Variants in RBMS3 observed in about 807,000 individuals in gnomAD.
The protein encoded by RBMS3 is RNA-binding motif, single-stranded-interacting protein 3.
Under a neutral mutation model 66.8 loss-of-function variants are expected in RBMS3, and 27 were observed. The ratio of observed to expected loss-of-function variants is 0.40; its 90% CI spans 0.30 to 0.56. The LOEUF is 0.56. Among genes scored for constraint, RBMS3 ranks in the 20% least tolerant of loss-of-function variants. The pLI is 0.40. For missense variants in RBMS3, 513 were observed against 549.5 expected, an observed-to-expected ratio of 0.93 and a Z score of 0.66; for synonymous variants, 188 against 183.0, an observed-to-expected ratio of 1.03 and a Z score of -0.22.
intron 3 of RBMS3, among the ~76,000 whole-genome samples, chr3:29,518,926 G>C (rs1289543497): frequency 6.6e-6 from 1 of 152,144 alleles, no homozygotes; most frequent in Non-Finnish European, 1.5e-5. Context: ...GAAGAGAAAT[G>C]GGAAGCAAGT....
At chr3:29,787,121 C>T (rs961651379) in intron 6 of RBMS3, among the ~76,000 whole-genome samples, 1 of 151,860 alleles carries the variant, frequency 6.6e-6, no homozygotes, top group Non-Finnish European at 1.5e-5. Flanking sequence ...AAACTGAAAC[C>T]ACAACATGAT....
intron 4 of RBMS3, among the ~76,000 whole-genome samples, chr3:29,633,761 C>A (rs893597933): frequency 7.9e-5 from 12 of 151,816 alleles, no homozygotes; most frequent in African/African-American, 2.9e-4. Flanking sequence ...TTGTTGTAAT[C>A]AGATCAAAGA....
intron 4 of RBMS3, among the ~76,000 whole-genome samples, chr3:29,733,523 C>T (rs886367381): frequency 9.9e-5 from 15 of 151,958 alleles, no homozygotes; most frequent in Non-Finnish European, 2.1e-4. Context: ...TCCTCACCAG[C>T]ATTGGTTATT....
At chr3:29,856,307 G>A (rs916939423) in intron 6 of RBMS3, among the ~76,000 whole-genome samples, 4 of 152,082 alleles carry the variant, frequency 2.6e-5, no homozygotes, top group South Asian at 2.1e-4. Flanking sequence ...TGGGAAAAGC[G>A]GTCAGGAAAT....
intron 4 of RBMS3, among the ~76,000 whole-genome samples, chr3:29,594,644 ATACT>A (rs564249722): frequency 9.5e-4 from 145 of 152,314 alleles, no homozygotes; most frequent in African/African-American, 3.4e-3. Context: ...TGTAAAAGAA[ATACT>A]TACTGGCTGG....
chr3:29,472,353 G>A (rs552343968), intron 2 of RBMS3, among the ~76,000 whole-genome samples: 54 of 151,984 alleles, frequency 3.6e-4, no homozygotes, highest in South Asian at 8.3e-4. Context: ...CCGCCATCAC[G>A]CCCAGCTAAT....
intron 3 of RBMS3, among the ~76,000 whole-genome samples, chr3:29,538,709 C>T (rs1294170782): frequency 2.0e-5 from 3 of 152,184 alleles, no homozygotes; most frequent in African/African-American, 7.2e-5. Flanking sequence ...TAATAAGCAT[C>T]CAGTGGGTCA....
chr3:29,407,510 G>A (rs973095610), intron 1 of RBMS3, among the ~76,000 whole-genome samples: 1 of 152,114 alleles, frequency 6.6e-6, no homozygotes, highest in African/African-American at 2.4e-5. Context: ...GCTACATTAT[G>A]CTTATAATTT....
In RBMS3 at chr3:29,873,710, G is replaced by A. The variant is rs144037735; in HGVS notation, c.744+4746G>A. The stretch of plus-strand genomic sequence containing the variant: ...CTGGCTTTTGCCCATTCAGTATGAT[G>A]TTGACTATGGGTTTTTCATAAATGG... On this transcript the variant is annotated intron_variant, in intron 7 of 14. Transcript: ENST00000383767. Among the ~76,000 whole-genome samples the A allele has an allele frequency of 6.7e-3, 1,026 of 152,214 alleles. 9 individuals are homozygous for A. The highest frequency in any genetic ancestry group is 0.024 in the African/African-American group (977 of 41,544).
intron 5 of RBMS3, among the ~76,000 whole-genome samples, chr3:29,761,952 ATTAATCC>A (rs2055706845): frequency 6.6e-6 from 1 of 152,140 alleles, no homozygotes; most frequent in Non-Finnish European, 1.5e-5. Context: ...TTTTATCAGA[ATTAATCC>A]TTAATTATTA....
At chr3:29,659,480 A>G (rs1254863445) in intron 4 of RBMS3, among the ~76,000 whole-genome samples, 1 of 152,248 alleles carries the variant, frequency 6.6e-6, no homozygotes, top group Non-Finnish European at 1.5e-5. Context: ...GGAATCATAC[A>G]GTAAGTATCT....
intron 2 of RBMS3, among the ~76,000 whole-genome samples, chr3:29,475,473 C>T (rs907959934): frequency 1.3e-5 from 2 of 152,056 alleles, no homozygotes; most frequent in African/African-American, 4.8e-5. Flanking sequence ...TGGTCACGAA[C>T]CCTTGAGCTC....
intron 3 of RBMS3, among the ~76,000 whole-genome samples, chr3:29,493,579 A>G (rs1485249618): frequency 1.3e-5 from 2 of 152,152 alleles, no homozygotes; most frequent in Non-Finnish European, 2.9e-5. Context: ...CTTATGGGTG[A>G]TATATTATTA....
At chr3:29,552,588 T>G (rs2046212832) in intron 3 of RBMS3, among the ~76,000 whole-genome samples, 2 of 152,164 alleles carry the variant, frequency 1.3e-5, no homozygotes. Flanking sequence ...AAGCAAAAAG[T>G]GAATAGCAGT....
At chr3:29,502,718 A>G (rs1469577517) in intron 3 of RBMS3, among the ~76,000 whole-genome samples, 1 of 152,082 alleles carries the variant, frequency 6.6e-6, no homozygotes, top group Non-Finnish European at 1.5e-5. Flanking sequence ...TCAATTTTGC[A>G]CTTATGTTGG....
At chr3:29,667,181 G>A (rs1283485316) in intron 4 of RBMS3, among the ~76,000 whole-genome samples, 2 of 152,114 alleles carry the variant, frequency 1.3e-5, no homozygotes, top group African/African-American at 4.8e-5. Flanking sequence ...GACAAGCTAT[G>A]GCAATCTGAA....
intron 6 of RBMS3, among the ~76,000 whole-genome samples, chr3:29,853,423 C>CTTTTT (rs71091081): frequency 0.02 from 1,699 of 84,344 alleles, 6 homozygotes; most frequent in Non-Finnish European, 0.028. Flanking sequence ...AATTTACTTT[C>CTTTTT]TTTTTTTTTT....
chr3:29,954,709 T>A (rs977565076), intron 12 of RBMS3, among the ~76,000 whole-genome samples: 2 of 152,030 alleles, frequency 1.3e-5, no homozygotes, highest in Non-Finnish European at 2.9e-5. Flanking sequence ...TTCTACAATG[T>A]ATTTTGAATC....
In RBMS3 at chr3:29,887,839, T is replaced by A. The variant is rs114317849; in HGVS notation, c.791+3631T>A. 5.7e-3 allele frequency among the ~76,000 whole-genome samples: 871 copies of A among 151,894 alleles called. 5 individuals are homozygous for A. Among genetic ancestry groups the A allele is most frequent in the African/African-American group, 0.02 (825 of 41,486 alleles). ...ATCAGTCATTCTCTAATGCGCAATT[T>A]AAAATTCTACAAAGACATAATTTCC... is the stretch of plus-strand genomic sequence containing the variant. On this transcript the variant is annotated intron_variant, in intron 8 of 14. Transcript: ENST00000383767.
Sources: allele counts gnomAD v4.1 joint callset (sites outside exome capture counted in the v4.1 genomes callset), GRCh38; gene constraint gnomAD v4.1.1; transcripts MANE v1.5; gene names NCBI Gene and HGNC (gene_info 2026-07-23, HGNC 2026-07-21).